Variants in SREK1IP1 observed in about 807,000 individuals in gnomAD.
SREK1IP1 encodes the protein protein SREK1IP1.
SREK1IP1 carries 12 observed loss-of-function variants against 22.8 expected under a neutral mutation model. The observed-to-expected ratio is 0.53, with a 90% CI of 0.34 to 0.85. SREK1IP1 has a LOEUF of 0.85. Ranked by LOEUF, SREK1IP1 falls within the 40% of genes least tolerant of loss-of-function variation. The pLI, the probability that SREK1IP1 is intolerant of heterozygous loss-of-function variation, is 0.02. For missense variants in SREK1IP1, 147 were observed against 171.8 expected (o/e 0.86, Z 0.81); for synonymous variants, 53 against 52.7 (o/e 1.01, Z -0.02).
In SREK1IP1 at chr5:64,768,639, C is replaced by A. The variant is rs188786213; in HGVS notation, c.-122G>T. 11 of 1,438,838 alleles carry A rather than the reference C, an allele frequency of 7.6e-6. No homozygotes were observed. In the Admixed American group the frequency reaches 1.8e-4, roughly 24 times the overall value. The allele number at this position is 1,438,838 out of a possible 1,614,324, so 89.1% of individuals were successfully genotyped here. A position where few individuals can be genotyped will look rare whatever the true frequency, so the allele number is the denominator to read the frequency against. ...CCTTCCCCCAGCGCAGCAGCACCCT[C>A]GCTACGGTCGGGAAGGGCCTGTACG... On this transcript the variant is annotated 5_prime_UTR_variant, in exon 1 of 5. Coordinates refer to ENST00000513458, the MANE Select transcript of SREK1IP1 (RefSeq NM_173829.4).
chr5:64,738,226 T>C (rs1184936610), intron 3 of SREK1IP1, among the ~76,000 whole-genome samples: 1 of 152,170 alleles, frequency 6.6e-6, no homozygotes, highest in African/African-American at 2.4e-5. Context: ...TCATACACTA[T>C]GATCAAGTGG....
intron 3 of SREK1IP1, among the ~76,000 whole-genome samples, chr5:64,729,255 T>C (rs767067793): frequency 1.3e-5 from 2 of 152,202 alleles, no homozygotes; most frequent in Non-Finnish European, 2.9e-5. Context: ...GCATGATCCT[T>C]GCCCACAGGG....
intron 3 of SREK1IP1, among the ~76,000 whole-genome samples, chr5:64,737,155 C>T (rs558806985): frequency 2.6e-5 from 4 of 152,122 alleles, no homozygotes; most frequent in East Asian, 1.9e-4. Flanking sequence ...CTCAAGCACA[C>T]AGAACATTCT....
chr5:64,753,395 C>T (rs957369884), intron 2 of SREK1IP1, among the ~76,000 whole-genome samples: 3 of 152,130 alleles, frequency 2.0e-5, no homozygotes, highest in Non-Finnish European at 4.4e-5. Context: ...TCATTTCTTG[C>T]GTGCAAGTAC....
intron 2 of SREK1IP1, among the ~76,000 whole-genome samples, chr5:64,749,615 G>GT (rs1459959930): frequency 6.6e-6 from 1 of 151,762 alleles, no homozygotes; most frequent in Non-Finnish European, 1.5e-5. Flanking sequence ...TTTTTTGTTT[G>GT]TTTTTTGTAG....
intron 3 of SREK1IP1, among the ~76,000 whole-genome samples, chr5:64,731,184 G>C (rs1287299564): frequency 6.6e-6 from 1 of 152,158 alleles, no homozygotes; most frequent in Non-Finnish European, 1.5e-5. Flanking sequence ...TGGAGAAGAT[G>C]AGTTAGGGTG....
intron 1 of SREK1IP1, among the ~76,000 whole-genome samples, chr5:64,759,052 A>G (rs1324740924): frequency 6.6e-6 from 1 of 152,172 alleles, no homozygotes; most frequent in African/African-American, 2.4e-5. Context: ...GGGGAAAGTT[A>G]ATTCATTCTG....
At chr5:64,768,431 C>A (rs1191885449) in intron 1 of SREK1IP1, 74 bp downstream of exon 1, 17 of 1,601,578 alleles carry the variant, frequency 1.1e-5, no homozygotes, top group Non-Finnish European at 1.4e-5. Flanking sequence ...GCTCCGTACA[C>A]GCCGCACCCT....
At chr5:64,744,947 AT>A (rs1742608535) in intron 2 of SREK1IP1, among the ~76,000 whole-genome samples, 1 of 152,026 alleles carries the variant, frequency 6.6e-6, no homozygotes, top group African/African-American at 2.4e-5. Flanking sequence ...AGTGAGTGAA[AT>A]TTTTTCTAAT....
At chr5:64,761,884 A>C (rs1230806275) in intron 1 of SREK1IP1, among the ~76,000 whole-genome samples, 1 of 152,226 alleles carries the variant, frequency 6.6e-6, no homozygotes, top group African/African-American at 2.4e-5. Context: ...AAAAGAAAAA[A>C]AATTTTAAAG....
intron 1 of SREK1IP1, among the ~76,000 whole-genome samples, chr5:64,758,677 G>A (rs1308183844): frequency 6.6e-6 from 1 of 152,166 alleles, no homozygotes; most frequent in East Asian, 1.9e-4. Context: ...GAATAAAAAT[G>A]TTGTAATAGA....
At chr5:64,758,543 A>T (rs937058429) in intron 1 of SREK1IP1, among the ~76,000 whole-genome samples, 5 of 152,232 alleles carry the variant, frequency 3.3e-5, no homozygotes, top group African/African-American at 1.2e-4. Flanking sequence ...TTTGAAAACA[A>T]CTGCATGTTG....
At chr5:64,743,701 T>A (rs771640897) in intron 2 of SREK1IP1, among the ~76,000 whole-genome samples, 3 of 151,814 alleles carry the variant, frequency 2.0e-5, no homozygotes, top group Non-Finnish European at 4.4e-5. Context: ...TAACACAGAT[T>A]TTGCTATATA....
chr5:64,766,450 T>C (rs1743033980), intron 1 of SREK1IP1, among the ~76,000 whole-genome samples: 1 of 152,244 alleles, frequency 6.6e-6, no homozygotes, highest in South Asian at 2.1e-4. Context: ...ATTTATCCAC[T>C]TCTCTCCTTA....
At chr5:64,733,155 G>GC (rs1321084159) in intron 3 of SREK1IP1, among the ~76,000 whole-genome samples, 1 of 151,802 alleles carries the variant, frequency 6.6e-6, no homozygotes, top group African/African-American at 2.4e-5. Context: ...GACACCAAAA[G>GC]CACAGTCTAT....
At position 64,722,185 on chromosome 5, in the gene SREK1IP1, C is replaced by T. The variant is rs1195718888; in HGVS notation, c.*2199G>A. On this transcript the variant is annotated 3_prime_UTR_variant, in exon 5 of 5. Transcript: ENST00000513458. The stretch of plus-strand genomic sequence containing the variant: ...CTATGCTAAAATTATGGGAAATTTA[C>T]TTAGAAATGCCAACATCATTTCTGG... 6.6e-6 allele frequency: 1 copy of T among 152,096 alleles called. No individual in the cohort carries two copies. Among genetic ancestry groups the T allele is most frequent in the African/African-American group, 2.4e-5 (1 of 41,424 alleles). 9.4% of individuals were successfully genotyped at this position (152,096 alleles called of 1,614,324 possible). A position where few individuals can be genotyped will look rare whatever the true frequency, so the allele number is the denominator to read the frequency against.
intron 1 of SREK1IP1, among the ~76,000 whole-genome samples, chr5:64,761,926 T>C (rs1048768935): frequency 6.6e-6 from 1 of 152,120 alleles, no homozygotes; most frequent in Non-Finnish European, 1.5e-5. Flanking sequence ...ACAGAAAATA[T>C]TGAGAAAACC....
intron 1 of SREK1IP1, among the ~76,000 whole-genome samples, chr5:64,763,618 G>A (rs1742989229): frequency 6.6e-6 from 1 of 152,130 alleles, no homozygotes. Context: ...ATTACCTAAT[G>A]AAACAGAATG....
At chr5:64,754,265 A>T (rs1360642331) in intron 2 of SREK1IP1, 50 bp downstream of exon 2, 1 of 1,577,366 alleles carries the variant, frequency 6.3e-7, no homozygotes, top group East Asian at 2.2e-5. Context: ...CAAAGAGGCC[A>T]TGATTCCAGT....
Sources: allele counts gnomAD v4.1 joint callset (sites outside exome capture counted in the v4.1 genomes callset), GRCh38; gene constraint gnomAD v4.1.1; transcripts MANE v1.5; gene names NCBI Gene and HGNC (gene_info 2026-07-23, HGNC 2026-07-21).